Variants in MDH2 observed in about 807,000 individuals in gnomAD.
MDH2 encodes the protein malate dehydrogenase 2.
MDH2 carries 25 observed loss-of-function variants against 33.6 expected under a neutral mutation model. The observed-to-expected ratio is 0.74, with a 90% CI of 0.54 to 1.04. MDH2 has a LOEUF of 1.04. MDH2 is among the 50% of genes least tolerant of loss of function. The pLI, the probability that MDH2 is intolerant of heterozygous loss-of-function variation, is 0.00. For synonymous variants in MDH2, 193 were observed against 188.7 expected (o/e 1.02, Z -0.19); for missense variants, 432 against 445.0 (o/e 0.97, Z 0.26).
At chr7:76,048,288 C>A in intron 1 of MDH2, 62 bp downstream of exon 1, 1 of 1,507,360 alleles carries the variant, frequency 6.6e-7, no homozygotes, top group South Asian at 1.3e-5. Flanking sequence ...CGTGCGTCCC[C>A]GGTTCGCGGG....
At chr7:76,056,369 G>T (rs1797782684) in intron 2 of MDH2, among the ~76,000 whole-genome samples, 1 of 152,166 alleles carries the variant, frequency 6.6e-6, no homozygotes, top group Non-Finnish European at 1.5e-5. Context: ...AGATTCTACT[G>T]ATTTCTTTCC....
chr7:76,066,674 A>G lies in MDH2; in HGVS notation c.*264A>G, dbSNP rs183953258. 2.9e-5 allele frequency: 9 copies of G among 305,186 alleles called. No homozygotes were observed. The East Asian group carries it at 3.1e-4, about 11-fold the overall frequency. 18.9% of individuals were successfully genotyped at this position (305,186 alleles called of 1,614,324 possible). A position where few individuals can be genotyped will look rare whatever the true frequency, so the allele number is the denominator to read the frequency against. ...AGTGTCTGCTACCTCTTCATTACCAATCAGAATTAGATGATGTTTAACTGT... is the reference window on the plus strand; with the variant it reads ...AGTGTCTGCTACCTCTTCATTACCAGTCAGAATTAGATGATGTTTAACTGT... On this transcript the variant is annotated 3_prime_UTR_variant, in exon 9 of 9. Coordinates refer to ENST00000315758, the MANE Select transcript of MDH2 (RefSeq NM_005918.4).
chr7:76,061,447 G>T lies in MDH2; in HGVS notation c.555+949G>T, dbSNP rs148551140. 6.2e-4 allele frequency among the ~76,000 whole-genome samples: 95 copies of T among 152,288 alleles called. No individual in the cohort carries two copies. In the Middle Eastern group the frequency reaches 0.01, roughly 16 times the overall value. On this transcript the variant is annotated intron_variant, in intron 5 of 8. Coordinates refer to ENST00000315758, the MANE Select transcript of MDH2 (RefSeq NM_005918.4). The stretch of plus-strand genomic sequence containing the variant: ...TCAAAAGGCATGGCCCCAGGCCTTA[G>T]AGTTCCATGGAATGGGAGAGACACT...
intron 4 of MDH2, 122 bp downstream of exon 4, chr7:76,058,200 G>A: frequency 1.1e-6 from 1 of 883,970 alleles, no homozygotes; most frequent in Non-Finnish European, 1.7e-6. Flanking sequence ...GGGATACACA[G>A]ATGAAGGGGC....
At chr7:76,051,869 T>C (rs1476045833) in intron 1 of MDH2, among the ~76,000 whole-genome samples, 1 of 152,222 alleles carries the variant, frequency 6.6e-6, no homozygotes, top group African/African-American at 2.4e-5. Context: ...TCAGCGGGTC[T>C]GGAAGACAGC....
At chr7:76,052,355 G>A (rs1188702513) in intron 1 of MDH2, among the ~76,000 whole-genome samples, 2 of 145,808 alleles carry the variant, frequency 1.4e-5, no homozygotes, top group Non-Finnish European at 3.0e-5. Flanking sequence ...GGCTTGAACC[G>A]AAAATGCAGA....
Position 76,065,068 on chromosome 7 carries a change from G to A in MDH2, c.885+115G>A, listed in dbSNP as rs1585414465. 50 of 1,268,848 alleles carry A rather than the reference G, an allele frequency of 3.9e-5. No individual in the cohort carries two copies. The South Asian group carries it at 5.5e-4, about 14-fold the overall frequency. 78.6% of individuals were successfully genotyped at this position (1,268,848 alleles called of 1,614,324 possible). ...CAGTAAGCTCATGTGCCTGCCTGGC[G>A]AGTGCTGTTGTTTTCAAGGGTGGAC... On this transcript the variant is annotated intron_variant, in intron 8 of 8. Coordinates refer to ENST00000315758, the MANE Select transcript of MDH2 (RefSeq NM_005918.4).
At chr7:76,048,950 C>G in intron 1 of MDH2, 3 of 802,104 alleles carry the variant, frequency 3.7e-6, no homozygotes, top group Non-Finnish European at 4.4e-6. Flanking sequence ...AAAAAACAGA[C>G]GTCTGGGTTC....
In MDH2 at chr7:76,064,815, C is replaced by T; in HGVS notation, c.747C>T (p.Leu249=). 6.2e-7 allele frequency: 1 copy of T among 1,614,054 alleles called. No homozygotes were observed. The highest frequency in any genetic ancestry group is 8.5e-7 in the Non-Finnish European group (1 of 1,180,010). ...GTGCCCCCCTAGGCTCTGCCACCCT[C>T]TCCATGGCGTATGCCGGCGCCCGCT... ...KAKAGAGSAT[L]SMAYAGARFV... Residue 249 remains leucine, a synonymous_variant, in exon 8 of 9, where the codon CTC becomes CTT. Coordinates refer to ENST00000315758, the MANE Select transcript of MDH2 (RefSeq NM_005918.4).
intron 1 of MDH2, chr7:76,048,871 A>G (rs1315141301): frequency 6.1e-6 from 7 of 1,147,926 alleles, no homozygotes; most frequent in East Asian, 4.3e-5. Flanking sequence ...AGCCTAGGCT[A>G]TTTTTAGCCA....
rs148014202 is a variant in MDH2, at chr7:76,060,453, G to T, written c.510G>T (p.Thr170=). The change falls in exon 5 of 9, where the codon ACG becomes ACT. Residue 170 remains threonine, a synonymous_variant. Coordinates refer to ENST00000315758, the MANE Select transcript of MDH2 (RefSeq NM_005918.4). ...ACCCCAACAAAATCTTCGGCGTGAC[G>T]ACCCTGGACATCGTCAGAGCCAACA... ...VYNPNKIFGV[T]TLDIVRANTF... is the part of the protein sequence containing the mutation. 1 of 1,614,004 alleles carries T rather than the reference G, an allele frequency of 6.2e-7. No homozygotes were observed. Among genetic ancestry groups the T allele is most frequent in the Non-Finnish European group, 8.5e-7 (1 of 1,180,026 alleles).
intron 1 of MDH2, among the ~76,000 whole-genome samples, chr7:76,053,419 A>C (rs1554585732): frequency 1.3e-5 from 2 of 152,184 alleles, no homozygotes; most frequent in Non-Finnish European, 2.9e-5. Flanking sequence ...TCAGGTTCTG[A>C]GCGGGTCTGA....
intron 1 of MDH2, 175 bp from the exon 2 acceptor site, chr7:76,054,655 C>A: frequency 1.3e-6 from 1 of 754,094 alleles, no homozygotes; most frequent in Admixed American, 2.5e-5. Context: ...TGAAAGTGGA[C>A]CTTTGGAATG....
At chr7:76,057,375 A>G in intron 2 of MDH2, 35 bp from the exon 3 acceptor site, 1 of 1,612,186 alleles carries the variant, frequency 6.2e-7, no homozygotes, top group Non-Finnish European at 8.5e-7. Flanking sequence ...TGAATCAGAA[A>G]CGGTGACATT....
Position 76,057,623 on chromosome 7 carries a change from G to C in MDH2, c.319+130G>C, listed in dbSNP as rs538233489. 6 of 896,148 alleles carry C rather than the reference G, an allele frequency of 6.7e-6. No homozygotes were observed. In the Admixed American group the frequency reaches 7.3e-5, roughly 11 times the overall value. The allele number at this position is 896,148 out of a possible 1,614,324, so 55.5% of individuals were successfully genotyped here. A position where few individuals can be genotyped will look rare whatever the true frequency, so the allele number is the denominator to read the frequency against. On this transcript the variant is annotated intron_variant, in intron 3 of 8. Transcript: ENST00000315758. ...AAAATGTCACCAGCTCCCCTTTCCT[G>C]TGGGGTAAAGGTCACATCTCTTTGT...
intron 2 of MDH2, among the ~76,000 whole-genome samples, chr7:76,057,151 TG>T (rs1554586368): frequency 6.6e-6 from 1 of 152,070 alleles, no homozygotes; most frequent in Non-Finnish European, 1.5e-5. Context: ...TTCGCTTTTG[TG>T]GAAACCTGGA....
At chr7:76,050,386 G>A (rs935844765) in intron 1 of MDH2, among the ~76,000 whole-genome samples, 1 of 152,216 alleles carries the variant, frequency 6.6e-6, no homozygotes, top group Non-Finnish European at 1.5e-5. Flanking sequence ...AGATGTTTGA[G>A]TAAAGTCTGA....
At position 76,057,956 on chromosome 7, in the gene MDH2, G is replaced by A. The variant is rs1333711560; in HGVS notation, c.320-13G>A. ...GTGTTCTCTGTTAACATCTCATATT[G>A]GATCATTTCCAGGCATGACCCGGGA... On this transcript the variant is annotated splice_polypyrimidine_tract_variant and intron_variant, in intron 3 of 8. Transcript: ENST00000315758. 2 of 1,612,198 alleles carry A rather than the reference G, an allele frequency of 1.2e-6. No homozygotes were observed. Among genetic ancestry groups the A allele is most frequent in the Non-Finnish European group, 1.7e-6 (2 of 1,178,576 alleles).
chr7:76,048,803 GCCT>G, intron 1 of MDH2: 1 of 1,221,396 alleles, frequency 8.2e-7, no homozygotes. Context: ...GGCGGACTGA[GCCT>G]GCCGCCAGGT....
Sources: allele counts gnomAD v4.1 joint callset (sites outside exome capture counted in the v4.1 genomes callset), GRCh38; gene constraint gnomAD v4.1.1; transcripts MANE v1.5; gene names NCBI Gene and HGNC (gene_info 2026-07-23, HGNC 2026-07-21).